NEK6: variants seen among roughly 807,000 people sequenced by gnomAD.
NEK6 encodes the protein NIMA related kinase 6.
A neutral mutation model predicts 43.5 loss-of-function variants in NEK6; 27 were observed. That is an observed-to-expected ratio of 0.62 (90% CI 0.46 to 0.86). The LOEUF is 0.86. Among genes scored for constraint, NEK6 ranks in the 40% least tolerant of loss-of-function variants. The probability of loss-of-function intolerance (pLI) is 0.00; values close to 1 mark genes in which losing one functional copy is unlikely to be tolerated. For missense variants in NEK6, 318 were observed against 414.4 expected (o/e 0.77, Z 2.02); for synonymous variants, 167 against 164.1 (o/e 1.02, Z -0.14).
At chr9:124,281,867 C>T (rs1259010729) in intron 1 of NEK6, among the ~76,000 whole-genome samples, 1 of 152,160 alleles carries the variant, frequency 6.6e-6, no homozygotes, top group Non-Finnish European at 1.5e-5. Context: ...AAAACTCTGG[C>T]AACCTATGTC....
At chr9:124,304,425 C>T (rs754568771) in intron 2 of NEK6, among the ~76,000 whole-genome samples, 68 of 152,296 alleles carry the variant, frequency 4.5e-4, no homozygotes, top group Non-Finnish European at 5.9e-4. Flanking sequence ...TCTCATTAGC[C>T]GGGTGAGACT....
chr9:124,272,570 G>C (rs1273238840), intron 1 of NEK6, among the ~76,000 whole-genome samples: 2 of 152,356 alleles, frequency 1.3e-5, no homozygotes, highest in African/African-American at 2.4e-5. Context: ...CAGCGTCCTG[G>C]GAAGGCCTCA....
chr9:124,319,213 G>C (rs2130902223), intron 4 of NEK6, among the ~76,000 whole-genome samples: 1 of 151,222 alleles, frequency 6.6e-6, no homozygotes, highest in African/African-American at 2.4e-5. Flanking sequence ...TCGAACTCCT[G>C]ATCTCAATGA....
At chr9:124,338,641 C>T (rs570896634) in intron 7 of NEK6, among the ~76,000 whole-genome samples, 102 of 152,292 alleles carry the variant, frequency 6.7e-4, no homozygotes, top group African/African-American at 2.3e-3. Flanking sequence ...GAGTCTGGAC[C>T]GGCTAATTGG....
chr9:124,264,994 C>T (rs910778214), intron 1 of NEK6, among the ~76,000 whole-genome samples: 2 of 152,222 alleles, frequency 1.3e-5, no homozygotes, highest in Middle Eastern at 3.4e-3. Flanking sequence ...TTTTAAGATA[C>T]ATGAAGTAGC....
chr9:124,347,265 G>C (rs991267787), intron 8 of NEK6, among the ~76,000 whole-genome samples: 1 of 152,192 alleles, frequency 6.6e-6, no homozygotes, highest in African/African-American at 2.4e-5. Flanking sequence ...ACCCCAAAAT[G>C]TCAGTCCATA....
intron 1 of NEK6, among the ~76,000 whole-genome samples, chr9:124,269,993 T>C (rs1264933710): frequency 6.6e-6 from 1 of 151,928 alleles, no homozygotes; most frequent in African/African-American, 2.4e-5. Flanking sequence ...TAGAGGAGTC[T>C]CCTAGAGCCA....
At chr9:124,297,970 C>G (rs545347584) in intron 1 of NEK6, among the ~76,000 whole-genome samples, 14 of 152,274 alleles carry the variant, frequency 9.2e-5, no homozygotes, top group Middle Eastern at 3.4e-3. Context: ...ACAAAATGCC[C>G]TAAAATCCAA....
Position 124,324,534 on chromosome 9 carries a change from A to G in NEK6, c.406-1796A>G, listed in dbSNP as rs1454296885. Among the ~76,000 whole-genome samples the G allele has an allele frequency of 6.6e-6, 1 of 152,178 alleles. No homozygotes were observed. Among genetic ancestry groups the G allele is most frequent in the Non-Finnish European group, 1.5e-5 (1 of 68,022 alleles). On this transcript the variant is annotated intron_variant, in intron 5 of 9. Transcript: ENST00000320246. This position sits in a 1 kb window ranked among gnomAD's most constrained non-coding sequence, Gnocchi z 5.3. ...CGCTTATAGGACATGACATTTAGAA[A>G]ATCACCACTCTCGGCCACGCGCGTC...
At chr9:124,296,084 T>G (rs1156230116) in intron 1 of NEK6, among the ~76,000 whole-genome samples, 1 of 152,258 alleles carries the variant, frequency 6.6e-6, no homozygotes, top group Non-Finnish European at 1.5e-5. Context: ...TTCAGCTCCC[T>G]GGGGCATGTG....
chr9:124,298,539 G>A (rs992879210), intron 1 of NEK6, among the ~76,000 whole-genome samples: 11 of 152,148 alleles, frequency 7.2e-5, no homozygotes, highest in Admixed American at 4.6e-4. Context: ...CTTGTGGTCC[G>A]CCAGCCCTGA....
intron 8 of NEK6, among the ~76,000 whole-genome samples, chr9:124,344,300 C>T (rs1027040643): frequency 2.2e-4 from 34 of 152,212 alleles, no homozygotes; most frequent in African/African-American, 8.2e-4. Flanking sequence ...CCCAAAAATT[C>T]GGTGATGGAT....
chr9:124,333,871 G>A (rs1475521523), intron 7 of NEK6, among the ~76,000 whole-genome samples: 8 of 145,824 alleles, frequency 5.5e-5, no homozygotes, highest in South Asian at 2.2e-4. Context: ...TTCACCTCCC[G>A]GGTTCAAGAG....
intron 1 of NEK6, among the ~76,000 whole-genome samples, chr9:124,278,711 T>C (rs1355125770): frequency 2.6e-5 from 4 of 152,194 alleles, no homozygotes; most frequent in Admixed American, 2.6e-4. Context: ...GCTGGATGAC[T>C]TCATGTATGT....
rs975391576 is a variant in NEK6, at chr9:124,343,882, A to G, written c.718-3827A>G. ...CCCCTGTGCTCATCCCTGTGGCTGCAGTGACAGATGCCACCACGCCGATGG... is the reference window on the plus strand; with the variant it reads ...CCCCTGTGCTCATCCCTGTGGCTGCGGTGACAGATGCCACCACGCCGATGG... On this transcript the variant is annotated intron_variant, in intron 8 of 9. Coordinates refer to ENST00000320246, the MANE Select transcript of NEK6 (RefSeq NM_014397.6). The surrounding 1 kb of genome is among the most constrained non-coding windows in gnomAD (Gnocchi z 5.1). 1.3e-5 allele frequency among the ~76,000 whole-genome samples: 2 copies of G among 152,204 alleles called. No individual in the cohort carries two copies. Among genetic ancestry groups the G allele is most frequent in the African/African-American group, 2.4e-5 (1 of 41,462 alleles).
At chr9:124,333,967 T>C (rs568651309) in intron 7 of NEK6, among the ~76,000 whole-genome samples, 23 of 152,134 alleles carry the variant, frequency 1.5e-4, no homozygotes, top group South Asian at 4.2e-4. Context: ...TTAGTAGAGA[T>C]GGGGTTTCAC....
intron 7 of NEK6, among the ~76,000 whole-genome samples, chr9:124,337,817 G>A (rs933121811): frequency 2.6e-5 from 4 of 152,236 alleles, no homozygotes; most frequent in South Asian, 2.1e-4. Context: ...GAAACCAGCC[G>A]ATGGTCTTCC....
intron 1 of NEK6, chr9:124,261,168 G>C (rs1342600528): frequency 6.5e-6 from 1 of 153,112 alleles, no homozygotes; most frequent in Non-Finnish European, 1.5e-5. Context: ...GTTAAGACAG[G>C]CTAGGTTCCT....
At chr9:124,282,314 C>T (rs187468616) in intron 1 of NEK6, among the ~76,000 whole-genome samples, 3 of 152,298 alleles carry the variant, frequency 2.0e-5, no homozygotes, top group East Asian at 1.9e-4. Context: ...TCGCCTCTGT[C>T]GCCACATGGC....
Sources: allele counts gnomAD v4.1 joint callset (sites outside exome capture counted in the v4.1 genomes callset), GRCh38; gene constraint gnomAD v4.1.1; non-coding constraint Gnocchi (gnomAD v3.1); transcripts MANE v1.5; gene names NCBI Gene and HGNC (gene_info 2026-07-23, HGNC 2026-07-21).